NIBAN2: variants seen among roughly 807,000 people sequenced by gnomAD.
The protein encoded by NIBAN2 is niban apoptosis regulator 2, also known as protein Niban 2.
Under a neutral mutation model 81.8 loss-of-function variants are expected in NIBAN2, and 36 were observed. The ratio of observed to expected loss-of-function variants is 0.44; its 90% CI spans 0.34 to 0.58. The LOEUF (loss-of-function observed/expected upper bound fraction) is 0.58, where lower values mean the gene tolerates loss of function less well. Among genes scored for constraint, NIBAN2 ranks in the 20% least tolerant of loss-of-function variants. The pLI, the probability that NIBAN2 is intolerant of heterozygous loss-of-function variation, is 0.02. For synonymous variants in NIBAN2, 445 were observed against 441.6 expected, an observed-to-expected ratio of 1.01 and a Z score of -0.10; for missense variants, 897 against 1,014.1, an observed-to-expected ratio of 0.88 and a Z score of 1.57.
intron 1 of NIBAN2, among the ~76,000 whole-genome samples, chr9:127,554,839 G>A (rs912915644): frequency 6.6e-6 from 1 of 151,838 alleles, no homozygotes; most frequent in African/African-American, 2.4e-5. Flanking sequence ...AAAGTGCTGG[G>A]ATTACAGGCG....
At chr9:127,573,268 C>T (rs991418528), upstream of NIBAN2, among the ~76,000 whole-genome samples, 1 of 151,606 alleles carries the variant, frequency 6.6e-6, no homozygotes, top group Non-Finnish European at 1.5e-5. Context: ...ACTGGTGGGA[C>T]CCCAGATGGG....
intron 1 of NIBAN2, 33 bp downstream of exon 1, chr9:127,568,787 C>A: frequency 7.8e-7 from 1 of 1,286,004 alleles, no homozygotes; most frequent in Non-Finnish European, 9.8e-7. Flanking sequence ...TCCGGCAGGC[C>A]CCTGGGCGCG....
chr9:127,507,114 C>A lies in NIBAN2; in HGVS notation c.1972G>T (p.Ala658Ser), dbSNP rs762246656. Residue 658 changes from alanine (A) to serine (S), a missense_variant, in exon 14 of 14, where the codon GCC becomes TCC. Coordinates refer to ENST00000373312, the MANE Select transcript of NIBAN2 (RefSeq NM_022833.4). The surrounding 1 kb of genome is among the most constrained non-coding windows in gnomAD (Gnocchi z 6.8). Reference sequence around the variant, plus strand: ...GGGCTCTCAGGCCGCAGACCTTGGGCCAGCAGGCCTCGGATCTCAGTGACA... The same window carrying A: ...GGGCTCTCAGGCCGCAGACCTTGGGACAGCAGGCCTCGGATCTCAGTGACA... The part of the protein sequence containing the change: ...DGVTEIRGLL[A>S]QGLRPESPPP... 1.4e-5 allele frequency: 22 copies of A among 1,587,978 alleles called. No individual in the cohort carries two copies. The South Asian group carries it at 2.1e-4, about 15-fold the overall frequency.
At chr9:127,560,676 T>A (rs1837758193) in intron 1 of NIBAN2, among the ~76,000 whole-genome samples, 1 of 152,136 alleles carries the variant, frequency 6.6e-6, no homozygotes, top group Non-Finnish European at 1.5e-5. Flanking sequence ...TGTGATTGTG[T>A]AGCTGCGTGT....
upstream of NIBAN2, among the ~76,000 whole-genome samples, chr9:127,572,567 A>T (rs891166577): frequency 2.6e-5 from 4 of 152,060 alleles, no homozygotes; most frequent in Middle Eastern, 3.2e-3. Context: ...ATGCCTTGGG[A>T]CCTGATTGGC....
Position 127,525,135 on chromosome 9 carries a change from G to C in NIBAN2, c.344C>G (p.Ala115Gly), listed in dbSNP as rs767584590. Residue 115 changes from alanine (A) to glycine (G), a missense_variant, in exon 4 of 14, where the codon GCC becomes GGC. This residue lies in a region of NIBAN2 where 209 missense variants were observed against 208.4 expected (regional missense o/e 1.00). Coordinates refer to ENST00000373312, the MANE Select transcript of NIBAN2 (RefSeq NM_022833.4). ...TTTGTAGCCTGCACTGTTGATGACGGCTCGTGGTGGGACCTGCCGCTCATA... is the reference window on the plus strand; with the variant it reads ...TTTGTAGCCTGCACTGTTGATGACGCCTCGTGGTGGGACCTGCCGCTCATA... ...AAYERQVPPR[A>G]VINSAGYKIL... 4 of 1,613,952 alleles carry C rather than the reference G, an allele frequency of 2.5e-6. No individual in the cohort carries two copies. The highest frequency in any genetic ancestry group is 3.3e-5 in the Admixed American group (2 of 59,994).
intron 1 of NIBAN2, among the ~76,000 whole-genome samples, chr9:127,574,142 T>A (rs1291959136): frequency 6.6e-6 from 1 of 152,160 alleles, no homozygotes; most frequent in Non-Finnish European, 1.5e-5. Context: ...GGGCTCCCAC[T>A]CCCTTTTCTT....
chr9:127,528,825 A>T (rs1837125678), intron 2 of NIBAN2, among the ~76,000 whole-genome samples: 1 of 152,200 alleles, frequency 6.6e-6, no homozygotes, highest in Admixed American at 6.5e-5. Flanking sequence ...ATAACACCCT[A>T]GCAAAAGGCC....
chr9:127,569,056 C>T lies in NIBAN2; in HGVS notation c.-182G>A. 2.3e-5 allele frequency: 25 copies of T among 1,086,230 alleles called. No individual in the cohort carries two copies. The highest frequency in any genetic ancestry group is 2.7e-5 in the Non-Finnish European group (24 of 896,596). 67.3% of individuals were successfully genotyped at this position (1,086,230 alleles called of 1,614,324 possible). On this transcript the variant is annotated 5_prime_UTR_variant, in exon 1 of 14. Transcript: ENST00000373312. ...GCTCCGCTCCCGGTCGGGCCCCGTC[C>T]CTCCAGCCGGCCGCCTTGGCCCCCT...
chr9:127,509,112 C>G lies in NIBAN2; in HGVS notation c.1181G>C (p.Arg394Pro), dbSNP rs770835912. ...KLGEYMEKLS[R>P]LAYHPLKMQS... ...CATCTTCAGGGGGTGGTACGCCAGC[C>G]GGGACAGCTTCTCCATGTACTGCAG... is the stretch of plus-strand genomic sequence containing the variant. The change falls in exon 10 of 14, where the codon CGG (arginine) becomes CCG (proline). Residue 394 changes from arginine (R) to proline (P), a missense_variant. By Grantham distance (103) the Arg-to-Pro change is moderately radical. This residue lies in a region of NIBAN2 where 619 missense variants were observed against 691.0 expected (regional missense o/e 0.90). Coordinates refer to ENST00000373312, the MANE Select transcript of NIBAN2 (RefSeq NM_022833.4). 1 of 1,612,090 alleles carries G rather than the reference C, an allele frequency of 6.2e-7. No individual in the cohort carries two copies. The highest frequency in any genetic ancestry group is 1.1e-5 in the South Asian group (1 of 91,014).
chr9:127,529,883 G>T (rs920460816), intron 2 of NIBAN2, among the ~76,000 whole-genome samples: 23 of 152,210 alleles, frequency 1.5e-4, no homozygotes, highest in Admixed American at 1.4e-3. Flanking sequence ...GCTTTTCAGG[G>T]ACTGTGGGTG....
In NIBAN2 at chr9:127,576,054, A is replaced by T. The variant is rs4532699; in HGVS notation, c.16+2868T>A. Among the ~76,000 whole-genome samples the T allele has an allele frequency of 4.4e-3, 676 of 152,188 alleles. 12 individuals carry two copies. In the East Asian group the frequency reaches 0.066, roughly 15 times the overall value. On this transcript the variant is annotated intron_variant, in intron 1 of 13. Coordinates refer to the NIBAN2 transcript ENST00000373314. ...GTGTGTGCAATTATCTGTTTAAATA[A>T]ATCTTTCTCTCTGAGGACCAGGACT... is the stretch of plus-strand genomic sequence containing the variant.
rs142814145 is a variant in NIBAN2 at position 127,536,212 on chromosome 9, T to A, written c.56-4434A>T. ...GAGACGCAGAAGATGAGGACTCGGG[T>A]GCTGGGGACCCCAGGTGTGGAGGCC... On this transcript the variant is annotated intron_variant, in intron 1 of 13. Transcript: ENST00000373312. This position sits in a 1 kb window ranked among gnomAD's most constrained non-coding sequence, Gnocchi z 4.0. Among the ~76,000 whole-genome samples the A allele has an allele frequency of 1.1e-3, 175 of 152,232 alleles. 1 individual carries two copies. Among genetic ancestry groups the A allele is most frequent in the African/African-American group, 4.2e-3 (174 of 41,554 alleles).
Position 127,508,862 on chromosome 9 carries a change from C to T in NIBAN2, c.1317+114G>A. On this transcript the variant is annotated intron_variant, in intron 10 of 13. Coordinates refer to ENST00000373312, the MANE Select transcript of NIBAN2 (RefSeq NM_022833.4). The surrounding 1 kb of genome is among the most constrained non-coding windows in gnomAD (Gnocchi z 6.4). ...CCAAGCAGAGGAGGAGAGAGCGTGC[C>T]AGGCAAGCGTGGCTATGGCATGACG... 2 of 1,216,038 alleles carry T rather than the reference C, an allele frequency of 1.6e-6. No individual in the cohort carries two copies. The allele number at this position is 1,216,038 out of a possible 1,614,324, so 75.3% of individuals were successfully genotyped here.
chr9:127,507,871 C>A lies in NIBAN2; in HGVS notation c.1650G>T (p.Leu550=). 1 of 1,614,028 alleles carries A rather than the reference C, an allele frequency of 6.2e-7. No individual in the cohort carries two copies. Among genetic ancestry groups the A allele is most frequent in the Non-Finnish European group, 8.5e-7 (1 of 1,179,916 alleles). The change falls in exon 13 of 14, where the codon CTG becomes CTT. Residue 550 remains leucine (L), a synonymous_variant. Coordinates refer to ENST00000373312, the MANE Select transcript of NIBAN2 (RefSeq NM_022833.4). This position sits in a 1 kb window ranked among gnomAD's most constrained non-coding sequence, Gnocchi z 6.8. ...VVLQTVMKDI[L]QAVKEAAVQR... is the part of the protein sequence containing the mutation. ...CCACCCCGGGACGGCACCCACCCTG[C>A]AGGATGTCCTTCATGACGGTCTGCA...
chr9:127,544,971 T>TG (rs1307788697), intron 1 of NIBAN2, among the ~76,000 whole-genome samples: 1 of 152,126 alleles, frequency 6.6e-6, no homozygotes, highest in East Asian at 1.9e-4. Context: ...GCTGGGGAAA[T>TG]GGGGAAAAGC....
intron 1 of NIBAN2, among the ~76,000 whole-genome samples, chr9:127,575,138 A>T (rs1395994368): frequency 7.1e-6 from 1 of 141,516 alleles, no homozygotes; most frequent in Non-Finnish European, 1.5e-5. Context: ...CCCTCCCCCC[A>T]CTTCCCCTCC....
chr9:127,522,530 C>T (rs183582238), intron 5 of NIBAN2, among the ~76,000 whole-genome samples: 1 of 152,196 alleles, frequency 6.6e-6, no homozygotes, highest in East Asian at 1.9e-4. Context: ...CCTTTCTGTT[C>T]AAATTCCTTA....
intron 1 of NIBAN2, among the ~76,000 whole-genome samples, chr9:127,534,879 T>A (rs944063955): frequency 6.6e-6 from 1 of 152,158 alleles, no homozygotes; most frequent in African/African-American, 2.4e-5. Flanking sequence ...GAAAAGAGGA[T>A]GGAAGCTGAC....
Sources: gnomAD v4.1 joint callset for allele counts (sites outside exome capture counted in the v4.1 genomes callset) on GRCh38, gnomAD v4.1.1 for gene constraint, gnomAD v4.1.1 regional missense constraint, Gnocchi (gnomAD v3.1) non-coding constraint, MANE v1.5 for transcripts, NCBI Gene and HGNC (gene_info 2026-07-23, HGNC 2026-07-21) for gene names.